The following CNTNAP2 variants were observed in gnomAD, a reference collection of about 807,000 sequenced individuals.
CNTNAP2 encodes contactin-associated protein-like 2.
CNTNAP2 carries 98 observed loss-of-function variants against 155.2 expected under a neutral mutation model. That is an observed-to-expected ratio of 0.63 (90% CI 0.54 to 0.75). CNTNAP2 has a LOEUF of 0.75. Among genes scored for constraint, CNTNAP2 ranks in the 30% least tolerant of loss-of-function variants. The probability of loss-of-function intolerance (pLI) is 0.00; values close to 1 mark genes in which losing one functional copy is unlikely to be tolerated. For missense variants in CNTNAP2, 1,727 were observed against 1,688.1 expected, an observed-to-expected ratio of 1.02 and a Z score of -0.40; for synonymous variants, 651 against 631.2, an observed-to-expected ratio of 1.03 and a Z score of -0.47.
intron 1 of CNTNAP2, among the ~76,000 whole-genome samples, chr7:146,258,184 A>G (rs1421632109): frequency 6.6e-6 from 1 of 152,118 alleles, no homozygotes; most frequent in Non-Finnish European, 1.5e-5. Flanking sequence ...GGGCCACCAT[A>G]CCTGGTCTAT....
At chr7:148,225,598 A>C (rs1048304404) in intron 19 of CNTNAP2, among the ~76,000 whole-genome samples, 1 of 152,204 alleles carries the variant, frequency 6.6e-6, no homozygotes, top group Non-Finnish European at 1.5e-5. Context: ...TTTTGAGCAG[A>C]GGATCACTCT....
chr7:148,187,386 G>T (rs1245284247), intron 18 of CNTNAP2, among the ~76,000 whole-genome samples: 3 of 152,162 alleles, frequency 2.0e-5, no homozygotes, highest in East Asian at 1.9e-4. Context: ...AAGCTGATTT[G>T]CAGGGTAAAC....
chr7:148,222,413 C>G (rs1795763029), intron 19 of CNTNAP2, among the ~76,000 whole-genome samples: 1 of 152,270 alleles, frequency 6.6e-6, no homozygotes, highest in East Asian at 1.9e-4. Flanking sequence ...AAGCTGCCAG[C>G]TCAGGCCTCT....
At chr7:147,006,005 T>G (rs759478394) in intron 3 of CNTNAP2, among the ~76,000 whole-genome samples, 1 of 152,184 alleles carries the variant, frequency 6.6e-6, no homozygotes, top group African/African-American at 2.4e-5. Context: ...ATCATAGAGA[T>G]GGCTCTACCC....
At chr7:147,467,890 G>T (rs910591903) in intron 10 of CNTNAP2, among the ~76,000 whole-genome samples, 11 of 151,992 alleles carry the variant, frequency 7.2e-5, no homozygotes, top group African/African-American at 2.7e-4. Context: ...AATCAGCCAG[G>T]CATGGTGATG....
intron 3 of CNTNAP2, among the ~76,000 whole-genome samples, chr7:146,976,004 G>T (rs573955454): frequency 4.5e-4 from 68 of 152,252 alleles, no homozygotes; most frequent in African/African-American, 1.6e-3. Flanking sequence ...GAAGAAACCG[G>T]TATGTAATTA....
At chr7:148,138,560 C>A (rs1005433433) in intron 16 of CNTNAP2, among the ~76,000 whole-genome samples, 1 of 152,160 alleles carries the variant, frequency 6.6e-6, no homozygotes, top group Non-Finnish European at 1.5e-5. Flanking sequence ...TGAATATGGT[C>A]GGAAGAAACA....
chr7:148,190,854 CAGAGAG>C (rs10532093), intron 18 of CNTNAP2: 31,535 of 146,256 alleles, frequency 0.22, 3,415 homozygotes, highest in African/African-American at 0.28. Flanking sequence ...AGGGGAAAGA[CAGAGAG>C]AGAGAGAGAG....
intron 8 of CNTNAP2, among the ~76,000 whole-genome samples, chr7:147,196,811 G>T (rs118098357): frequency 6.0e-4 from 91 of 152,286 alleles, no homozygotes; most frequent in Non-Finnish European, 1.1e-3. Flanking sequence ...ACAGCTAAGA[G>T]TGTGCAGGCG....
At chr7:146,647,731 C>G (rs1057025674) in intron 1 of CNTNAP2, among the ~76,000 whole-genome samples, 1 of 152,146 alleles carries the variant, frequency 6.6e-6, no homozygotes, top group Non-Finnish European at 1.5e-5. Context: ...TTTTGACCTT[C>G]TTGATCCCAA....
intron 10 of CNTNAP2, among the ~76,000 whole-genome samples, chr7:147,472,604 CAGTCT>C (rs1442022211): frequency 6.6e-6 from 1 of 152,074 alleles, no homozygotes; most frequent in Non-Finnish European, 1.5e-5. Context: ...TTGGAAGGGG[CAGTCT>C]AGTCAAGAAG....
At chr7:147,755,397 G>C (rs945143788) in intron 13 of CNTNAP2, among the ~76,000 whole-genome samples, 5 of 152,248 alleles carry the variant, frequency 3.3e-5, no homozygotes, top group Non-Finnish European at 7.3e-5. Context: ...GCTCATGCCT[G>C]TAATCCCAGC....
At chr7:147,498,786 T>C (rs892424698) in intron 11 of CNTNAP2, among the ~76,000 whole-genome samples, 7 of 151,910 alleles carry the variant, frequency 4.6e-5, no homozygotes, top group African/African-American at 1.7e-4. Context: ...TTCAAAGTGG[T>C]AGTTTTTTTT....
intron 1 of CNTNAP2, among the ~76,000 whole-genome samples, chr7:146,287,061 G>C (rs1220610682): frequency 6.6e-6 from 1 of 152,148 alleles, no homozygotes; most frequent in Non-Finnish European, 1.5e-5. Context: ...TCACCTAAAA[G>C]CAACTGCAAA....
intron 11 of CNTNAP2, among the ~76,000 whole-genome samples, chr7:147,503,057 G>T (rs1798847730): frequency 6.6e-6 from 1 of 152,100 alleles, no homozygotes; most frequent in South Asian, 2.1e-4. Context: ...CATTCTTGCT[G>T]GTCAAAACAA....
Position 148,415,806 on chromosome 7 carries a change from C to CTTTATAGCTGAGTTTT in CNTNAP2, c.*191_*206dup, listed in dbSNP as rs1799974179. ...AAAAAAAAAAACCTTTTTAATATTT[C>CTTTATAGCTGAGTTTT]TTTATAGCTGAGTTTTCCCTTCTGT... On this transcript the variant is annotated 3_prime_UTR_variant, in exon 24 of 24. Coordinates refer to ENST00000361727, the MANE Select transcript of CNTNAP2 (RefSeq NM_014141.6). 3.1e-6 allele frequency: 2 copies of CTTTATAGCTGAGTTTT among 655,228 alleles called. No individual in the cohort carries two copies. 40.6% of individuals were successfully genotyped at this position (655,228 alleles called of 1,614,324 possible). A position where few individuals can be genotyped will look rare whatever the true frequency, so the allele number is the denominator to read the frequency against.
At chr7:146,959,908 T>C (rs1051869706) in intron 3 of CNTNAP2, among the ~76,000 whole-genome samples, 2 of 152,048 alleles carry the variant, frequency 1.3e-5, no homozygotes, top group Non-Finnish European at 2.9e-5. Context: ...ACCTAGGGAT[T>C]CCAACTTTAG....
intron 3 of CNTNAP2, among the ~76,000 whole-genome samples, chr7:147,000,252 A>G (rs907896124): frequency 2.0e-5 from 3 of 152,000 alleles, no homozygotes; most frequent in East Asian, 3.9e-4. Flanking sequence ...TTATTTCCTC[A>G]TCATAGTCAC....
intron 13 of CNTNAP2, among the ~76,000 whole-genome samples, chr7:147,676,596 G>A (rs555032979): frequency 4.8e-4 from 73 of 151,936 alleles, no homozygotes; most frequent in Middle Eastern, 6.8e-3. Context: ...TATGATAGAC[G>A]TCTTTAACTT....
Sources: gnomAD v4.1 joint callset for allele counts (sites outside exome capture counted in the v4.1 genomes callset) on GRCh38, gnomAD v4.1.1 for gene constraint, MANE v1.5 for transcripts, NCBI Gene and HGNC (gene_info 2026-07-23, HGNC 2026-07-21) for gene names.